The following MGAT5 variants were observed in gnomAD, a reference collection of about 807,000 sequenced individuals.
MGAT5 encodes the protein alpha-1,6-mannosylglycoprotein 6-beta-N-acetylglucosaminyltransferase A.
In MGAT5, 30 loss-of-function variants were observed where a neutral mutation model predicts 94.3. That is an observed-to-expected ratio of 0.32 (90% confidence interval 0.24 to 0.43). The LOEUF is 0.43. Ranked by LOEUF, MGAT5 falls within the 20% of genes least tolerant of loss-of-function variation. The probability of loss-of-function intolerance (pLI) is 1.00; values close to 1 mark genes in which losing one functional copy is unlikely to be tolerated. For missense variants in MGAT5, 691 were observed against 905.5 expected, an observed-to-expected ratio of 0.76 and a Z score of 3.04; for synonymous variants, 310 against 322.9, an observed-to-expected ratio of 0.96 and a Z score of 0.43.
chr2:134,232,765 T>G (rs1681434308), intron 1 of MGAT5, among the ~76,000 whole-genome samples: 1 of 152,214 alleles, frequency 6.6e-6, no homozygotes, highest in Non-Finnish European at 1.5e-5. Flanking sequence ...ATTTCTTAAC[T>G]GGTGCACATT....
In MGAT5 at chr2:134,177,144, C is replaced by CGTGT. The variant is rs141358502; in HGVS notation, c.-143+56868_-143+56871dup. Among the ~76,000 whole-genome samples the CGTGT allele has an allele frequency of 6.2e-4, 89 of 142,628 alleles. 2 individuals carry two copies. In the East Asian group the frequency reaches 7.2e-3, roughly 12 times the overall value. The allele number at this position is 142,628 out of a possible 152,430, so 93.6% of individuals were successfully genotyped here. ...AGGGACCTCCTGTAACAAATGAACC[C>CGTGT]GTGTGTGTGTGTGTGTGTATGTATC... On this transcript the variant is annotated intron_variant, in intron 1 of 16. Transcript: ENST00000409645.
rs896750239 is a variant in MGAT5, at chr2:134,189,434, A to C, written c.-142-64828A>C. 5.3e-5 allele frequency among the ~76,000 whole-genome samples: 8 copies of C among 152,084 alleles called. 1 individual carries two copies. Among genetic ancestry groups the C allele is most frequent in the Non-Finnish European group, 1.2e-4 (8 of 68,006 alleles). ...AGATTCTTTACTGTACAATAGGGAA[A>C]TTATATGTGAGATAGCAAAATATAA... On this transcript the variant is annotated intron_variant, in intron 1 of 16. Coordinates refer to the MGAT5 transcript ENST00000409645.
At chr2:134,368,792 C>G (rs1680594754) in intron 10 of MGAT5, among the ~76,000 whole-genome samples, 1 of 152,172 alleles carries the variant, frequency 6.6e-6, no homozygotes, top group Non-Finnish European at 1.5e-5. Context: ...TGCTCTGTAC[C>G]TACTCCTCTC....
intron 1 of MGAT5, among the ~76,000 whole-genome samples, chr2:134,126,815 G>T (rs1685858126): frequency 6.6e-6 from 1 of 151,980 alleles, no homozygotes; most frequent in Admixed American, 6.6e-5. Flanking sequence ...GCCAAATTCT[G>T]TCTACACATT....
chr2:134,354,628 C>T (rs1286776060), intron 9 of MGAT5, among the ~76,000 whole-genome samples: 2 of 152,168 alleles, frequency 1.3e-5, no homozygotes, highest in Admixed American at 1.3e-4. Context: ...CCCCCAGTCT[C>T]AGAGGTTCAC....
chr2:134,435,318 A>G (rs1047041367), intron 14 of MGAT5, among the ~76,000 whole-genome samples: 1 of 152,076 alleles, frequency 6.6e-6, no homozygotes. Context: ...TCCCTTGTCA[A>G]ATCTTCTGAT....
At chr2:134,154,701 C>T (rs927171997) in intron 1 of MGAT5, among the ~76,000 whole-genome samples, 11 of 152,206 alleles carry the variant, frequency 7.2e-5, no homozygotes, top group Non-Finnish European at 1.6e-4. Flanking sequence ...AGATCCATAC[C>T]GTTTTACCAA....
chr2:134,148,253 A>T (rs1687015362), intron 1 of MGAT5, among the ~76,000 whole-genome samples: 1 of 152,222 alleles, frequency 6.6e-6, no homozygotes, highest in Admixed American at 6.5e-5. Flanking sequence ...TCTAAATTTT[A>T]TCCTGACTGA....
intron 1 of MGAT5, among the ~76,000 whole-genome samples, chr2:134,176,487 C>T (rs1423737505): frequency 2.7e-5 from 4 of 147,536 alleles, no homozygotes; most frequent in Non-Finnish European, 4.5e-5. Context: ...GCAGGAGAAT[C>T]GCTTGAACCC....
rs1684059613 is a variant in MGAT5 at position 134,417,687 on chromosome 2, A to G, written c.1677+4672A>G. On this transcript the variant is annotated intron_variant, in intron 12 of 15. Coordinates refer to ENST00000281923, the MANE Select transcript of MGAT5 (RefSeq NM_002410.5). ...CTGATTGACCCCAGGTTTCTCCACT[A>G]TGAAGTTACTCTTTTAGTCTTTTCT... 2.0e-5 allele frequency among the ~76,000 whole-genome samples: 3 copies of G among 152,226 alleles called. No homozygotes were observed. In the South Asian group the frequency reaches 6.2e-4, roughly 32 times the overall value.
chr2:134,428,313 G>T, intron 13 of MGAT5, 52 bp from the exon 14 acceptor site: 1 of 1,552,704 alleles, frequency 6.4e-7, no homozygotes. Context: ...CTGAGGAGGT[G>T]CTACATGTTC....
chr2:134,442,224 G>A (rs1162465681), intron 15 of MGAT5, among the ~76,000 whole-genome samples: 1 of 152,140 alleles, frequency 6.6e-6, no homozygotes, highest in African/African-American at 2.4e-5. Flanking sequence ...TGCTAATGTT[G>A]ACCCCAAGAA....
At chr2:134,425,748 T>C (rs947898743) in intron 13 of MGAT5, among the ~76,000 whole-genome samples, 3 of 152,134 alleles carry the variant, frequency 2.0e-5, no homozygotes, top group African/African-American at 4.8e-5. Flanking sequence ...GAGTTGGTAC[T>C]AGTGGAGACA....
intron 1 of MGAT5, among the ~76,000 whole-genome samples, chr2:134,152,991 C>T (rs1687299656): frequency 6.6e-6 from 1 of 151,222 alleles, no homozygotes; most frequent in Non-Finnish European, 1.5e-5. Flanking sequence ...GCAACCTCCA[C>T]CTCCTGAGTT....
chr2:134,194,191 T>C (rs56344680), intron 1 of MGAT5, among the ~76,000 whole-genome samples: 2,758 of 152,350 alleles, frequency 0.018, 42 homozygotes, highest in South Asian at 0.039. Flanking sequence ...GAATTAGTTT[T>C]ATTGCTAGTA....
intron 1 of MGAT5, among the ~76,000 whole-genome samples, chr2:134,123,284 A>G (rs968667656): frequency 1.3e-5 from 2 of 152,166 alleles, no homozygotes; most frequent in African/African-American, 2.4e-5. Flanking sequence ...CTGACATTTG[A>G]CACAACTTTT....
chr2:134,333,127 C>T (rs1357434920), intron 4 of MGAT5, among the ~76,000 whole-genome samples: 3 of 152,092 alleles, frequency 2.0e-5, no homozygotes, highest in African/African-American at 4.8e-5. Context: ...TATAAAGACA[C>T]ATGACATGTA....
rs1379126828 is a variant in MGAT5, at chr2:134,452,327, G to A, written c.*3480G>A. On this transcript the variant is annotated 3_prime_UTR_variant, in exon 16 of 16. Transcript: ENST00000281923. ...CCCTGCCACCCACGCACTTGCTGAG[G>A]TGTGGCTGAGGCAGAATCATGTGAA... 1 of 152,228 alleles carries A rather than the reference G, an allele frequency of 6.6e-6. No individual in the cohort carries two copies. The highest frequency in any genetic ancestry group is 1.5e-5 in the Non-Finnish European group (1 of 68,044). 9.4% of individuals were successfully genotyped at this position (152,228 alleles called of 1,614,324 possible).
Position 134,308,550 on chromosome 2 carries a change from G to A in MGAT5, c.407-8979G>A, listed in dbSNP as rs115789540. On this transcript the variant is annotated intron_variant, in intron 2 of 15. Coordinates refer to ENST00000281923, the MANE Select transcript of MGAT5 (RefSeq NM_002410.5). ...AGTTTTGGGTTCTAAGCATATTTAA[G>A]GCTCCCTCAAGGTGAATAATGTTTT... 7.8e-3 allele frequency among the ~76,000 whole-genome samples: 1,192 copies of A among 152,248 alleles called. 15 individuals are homozygous for A. Among genetic ancestry groups the A allele is most frequent in the African/African-American group, 0.027 (1,136 of 41,538 alleles).
Sources: gnomAD v4.1 joint callset for allele counts (sites outside exome capture counted in the v4.1 genomes callset) on GRCh38, gnomAD v4.1.1 for gene constraint, MANE v1.5 for transcripts, NCBI Gene and HGNC (gene_info 2026-07-23, HGNC 2026-07-21) for gene names.